FNBP4: variants seen among roughly 807,000 people sequenced by gnomAD.
FNBP4 encodes the protein formin-binding protein 4.
In FNBP4, 34 loss-of-function variants were observed where a neutral mutation model predicts 119.3. The observed-to-expected ratio is 0.28, with a 90% CI of 0.22 to 0.38. The LOEUF is 0.38. Among genes scored for constraint, FNBP4 ranks in the 10% least tolerant of loss-of-function variants. The probability of loss-of-function intolerance (pLI) is 1.00; values close to 1 mark genes in which losing one functional copy is unlikely to be tolerated. For synonymous variants in FNBP4, 462 were observed against 430.6 expected (o/e 1.07, Z -0.90); for missense variants, 1,112 against 1,228.9 (o/e 0.90, Z 1.42).
chr11:47,717,572 TC>T, intron 16 of FNBP4, 60 bp from the exon 17 acceptor site: 1 of 1,213,074 alleles, frequency 8.2e-7, no homozygotes. Flanking sequence ...AGTATTCATT[TC>T]CCAGCAAATA....
intron 2 of FNBP4, among the ~76,000 whole-genome samples, chr11:47,757,315 C>T (rs980718384): frequency 3.3e-5 from 5 of 152,214 alleles, no homozygotes; most frequent in East Asian, 1.9e-4. Context: ...CTCAGGTTCA[C>T]GCCATTCTCC....
intron 15 of FNBP4, among the ~76,000 whole-genome samples, chr11:47,721,861 T>C (rs984729856): frequency 6.7e-6 from 1 of 149,306 alleles, no homozygotes; most frequent in Non-Finnish European, 1.5e-5. Context: ...TCCTCAGAAT[T>C]ACAGCGTTCC....
chr11:47,724,959 CCACAGGCATCTATTCTATACT>C, intron 12 of FNBP4, 181 bp from the exon 13 acceptor site: 6 of 739,410 alleles, frequency 8.1e-6, no homozygotes, highest in Non-Finnish European at 1.2e-5. Context: ...AAAATTTGGC[CCACAGGCATCTATTCTATACT>C]GATATCGCTA....
chr11:47,736,163 C>T (rs750778451), intron 9 of FNBP4, among the ~76,000 whole-genome samples: 6 of 150,420 alleles, frequency 4.0e-5, no homozygotes, highest in Admixed American at 2.7e-4. Flanking sequence ...AGTGCTTGAA[C>T]GTGGGAGGCA....
chr11:47,736,303 T>C (rs1003280057), intron 9 of FNBP4, among the ~76,000 whole-genome samples: 1 of 149,312 alleles, frequency 6.7e-6, no homozygotes, highest in African/African-American at 2.5e-5. Context: ...ACGCCTGTAA[T>C]CCCAGCACTT....
At chr11:47,743,759 C>T in intron 8 of FNBP4, 194 bp downstream of exon 8, 1 of 594,336 alleles carries the variant, frequency 1.7e-6, no homozygotes, top group South Asian at 2.1e-5. Context: ...GTGTCAGCCT[C>T]TCAGGCTCTT....
At chr11:47,748,884 T>C (rs1481170139) in intron 6 of FNBP4, among the ~76,000 whole-genome samples, 3 of 152,120 alleles carry the variant, frequency 2.0e-5, no homozygotes, top group Non-Finnish European at 2.9e-5. Flanking sequence ...TAACCTCAAG[T>C]GATCCGCCTG....
intron 8 of FNBP4, among the ~76,000 whole-genome samples, chr11:47,741,544 G>A (rs994245022): frequency 4.6e-5 from 7 of 151,700 alleles, no homozygotes; most frequent in African/African-American, 1.7e-4. Flanking sequence ...AGGGCTGGTC[G>A]CAGTGGCTCA....
chr11:47,749,205 A>C (rs1188745667), intron 6 of FNBP4, among the ~76,000 whole-genome samples: 2 of 152,084 alleles, frequency 1.3e-5, no homozygotes. Flanking sequence ...CAGGAGAGTA[A>C]ATCTGCAGTG....
intron 1 of FNBP4, among the ~76,000 whole-genome samples, chr11:47,765,851 CTTTT>C (rs1167976570): frequency 3.6e-5 from 3 of 82,192 alleles, no homozygotes; most frequent in South Asian, 5.5e-4. Context: ...GAGCTGGAAT[CTTTT>C]TTTTTTTTTT....
intron 16 of FNBP4, among the ~76,000 whole-genome samples, chr11:47,718,717 T>C (rs1359341116): frequency 2.0e-5 from 3 of 152,188 alleles, no homozygotes; most frequent in South Asian, 2.1e-4. Context: ...GAACAGTGAG[T>C]TGCAGTCAAA....
intron 1 of FNBP4, 113 bp downstream of exon 1, chr11:47,766,956 C>T (rs997488772): frequency 3.6e-6 from 5 of 1,384,284 alleles, no homozygotes; most frequent in African/African-American, 3.1e-5. Context: ...CCGCAGCAGG[C>T]AGGCCTCGGA....
At position 47,716,697 on chromosome 11, in the gene FNBP4, T is replaced by C. The variant is rs750411506; in HGVS notation, c.*725A>G. The C allele has an allele frequency of 6.6e-6, 1 of 152,654 alleles. No homozygotes were observed. Among genetic ancestry groups the C allele is most frequent in the Non-Finnish European group, 1.5e-5 (1 of 68,040 alleles). The allele number at this position is 152,654 out of a possible 1,614,324, so 9.5% of individuals were successfully genotyped here. ...AACTGCTTTTTAAATACTGGAATTT[T>C]ATGGAGAATACATTCACATAAAGAA... On this transcript the variant is annotated 3_prime_UTR_variant, in exon 17 of 17. Transcript: ENST00000263773.
intron 2 of FNBP4, among the ~76,000 whole-genome samples, chr11:47,761,946 T>A (rs1014895564): frequency 6.6e-6 from 1 of 151,342 alleles, no homozygotes; most frequent in Non-Finnish European, 1.5e-5. Context: ...TCAAGCGATT[T>A]TCCTGCCTCA....
At chr11:47,760,974 A>C (rs2097633063) in intron 2 of FNBP4, among the ~76,000 whole-genome samples, 1 of 152,190 alleles carries the variant, frequency 6.6e-6, no homozygotes, top group Non-Finnish European at 1.5e-5. Flanking sequence ...ACTCCAAAAA[A>C]ACTTTGCTCA....
At chr11:47,738,583 T>C (rs1331264580) in intron 8 of FNBP4, among the ~76,000 whole-genome samples, 1 of 152,136 alleles carries the variant, frequency 6.6e-6, no homozygotes, top group African/African-American at 2.4e-5. Flanking sequence ...ATCATAATTT[T>C]TTAAAAAGCC....
Position 47,731,474 on chromosome 11 carries a change from G to A in FNBP4, c.1908C>T (p.Ser636=). ...FPDGEEEEEE[S]QAQENRDETL... Reference sequence around the variant, plus strand: ...TCTCATCTCTATTTTCTTGTGCTTGGCTTTCTTCTTCTTCCTCTTCACCAT... The same window carrying A: ...TCTCATCTCTATTTTCTTGTGCTTGACTTTCTTCTTCTTCCTCTTCACCAT... The change falls in exon 12 of 17, where the codon AGC becomes AGT. Residue 636 remains serine (S), a synonymous_variant. Coordinates refer to ENST00000263773, the MANE Select transcript of FNBP4 (RefSeq NM_015308.5). The A allele has an allele frequency of 6.2e-7, 1 of 1,613,598 alleles. No homozygotes were observed. Among genetic ancestry groups the A allele is most frequent in the South Asian group, 1.1e-5 (1 of 91,026 alleles).
At chr11:47,731,783 A>T (rs1291640759) in intron 11 of FNBP4, 2 of 1,277,230 alleles carry the variant, frequency 1.6e-6, no homozygotes, top group East Asian at 6.3e-5. Context: ...ACAGCCCTGA[A>T]CCCTCTCACT....
At chr11:47,765,851 C>CTTTTTTTTTTTTTTTTTTT (rs1167976570) in intron 1 of FNBP4, among the ~76,000 whole-genome samples, 1 of 82,170 alleles carries the variant, frequency 1.2e-5, no homozygotes, top group African/African-American at 4.5e-5. Context: ...GAGCTGGAAT[C>CTTTTTTTTTTTTTTTTTTT]TTTTTTTTTT....
Sources: gnomAD v4.1 joint callset for allele counts (sites outside exome capture counted in the v4.1 genomes callset) on GRCh38, gnomAD v4.1.1 for gene constraint, MANE v1.5 for transcripts, NCBI Gene and HGNC (gene_info 2026-07-23, HGNC 2026-07-21) for gene names.